The following DPP10 variants were observed in gnomAD, a reference collection of about 807,000 sequenced individuals.
DPP10 encodes inactive dipeptidyl peptidase 10.
A neutral mutation model predicts 120.9 loss-of-function variants in DPP10; 33 were observed. The ratio of observed to expected loss-of-function variants is 0.27; its 90% CI spans 0.21 to 0.37. The LOEUF is 0.37. Among genes scored for constraint, DPP10 ranks in the 10% least tolerant of loss-of-function variants. The pLI is 1.00. For synonymous variants in DPP10, 337 were observed against 326.1 expected, an observed-to-expected ratio of 1.03 and a Z score of -0.36; for missense variants, 816 against 942.8, an observed-to-expected ratio of 0.87 and a Z score of 1.76.
At chr2:114,923,004 T>C (rs1258205541) in intron 1 of DPP10, among the ~76,000 whole-genome samples, 2 of 152,198 alleles carry the variant, frequency 1.3e-5, no homozygotes, top group Admixed American at 6.5e-5. Context: ...AGTATATTTT[T>C]ATGGACTTAA....
At chr2:114,920,538 G>T (rs903168332) in intron 1 of DPP10, among the ~76,000 whole-genome samples, 4 of 152,180 alleles carry the variant, frequency 2.6e-5, no homozygotes, top group Non-Finnish European at 5.9e-5. Context: ...GAACAAGTAG[G>T]AAGCATACTA....
At chr2:115,180,718 A>G (rs2054014519) in intron 1 of DPP10, among the ~76,000 whole-genome samples, 1 of 152,204 alleles carries the variant, frequency 6.6e-6, no homozygotes. Context: ...AGAAATGTAC[A>G]TATGTATGTA....
At chr2:115,598,748 T>C (rs1348079866) in intron 5 of DPP10, among the ~76,000 whole-genome samples, 1 of 151,658 alleles carries the variant, frequency 6.6e-6, no homozygotes, top group Non-Finnish European at 1.5e-5. Context: ...ATGCGGTTTG[T>C]TTATGATGAA....
At chr2:115,766,138 CTACA>C (rs954227708) in intron 12 of DPP10, among the ~76,000 whole-genome samples, 2 of 151,230 alleles carry the variant, frequency 1.3e-5, no homozygotes, top group Admixed American at 1.3e-4. Context: ...TTACAGAGAA[CTACA>C]TACATACATA....
At chr2:115,598,065 A>G (rs1261689199) in intron 5 of DPP10, among the ~76,000 whole-genome samples, 1 of 152,024 alleles carries the variant, frequency 6.6e-6, no homozygotes, top group Non-Finnish European at 1.5e-5. Context: ...ATTTGATATT[A>G]TTATTGCTAC....
chr2:114,992,068 T>C (rs779186702), intron 1 of DPP10, among the ~76,000 whole-genome samples: 8 of 152,232 alleles, frequency 5.3e-5, no homozygotes, highest in Non-Finnish European at 8.8e-5. Context: ...CATTCCTTTT[T>C]ACATAAAGCC....
rs62157985 is a variant in DPP10, at chr2:115,840,488, T to C, written c.2183-262T>C. Among the ~76,000 whole-genome samples, 925 of 151,600 alleles carry C rather than the reference T, an allele frequency of 6.1e-3. 10 individuals carry two copies. The highest frequency in any genetic ancestry group is 9.4e-3 in the Non-Finnish European group (637 of 67,862). On this transcript the variant is annotated intron_variant, in intron 24 of 25. Coordinates refer to ENST00000410059, the MANE Select transcript of DPP10 (RefSeq NM_020868.6). ...TACAGGTGCCCGCCACCACACCGGC[T>C]AATTTTTTATATTTTTTAATGGAGA...
Position 115,844,064 on chromosome 2 carries a change from A to G in DPP10, c.*1719A>G, listed in dbSNP as rs1690410839. 1 of 152,594 alleles carries G rather than the reference A, an allele frequency of 6.6e-6. No homozygotes were observed. The highest frequency in any genetic ancestry group is 2.1e-4 in the South Asian group (1 of 4,832). 9.5% of individuals were successfully genotyped at this position (152,594 alleles called of 1,614,324 possible). On this transcript the variant is annotated 3_prime_UTR_variant, in exon 26 of 26. Transcript: ENST00000410059. Reference sequence around the variant, plus strand: ...TGTCTTCCATGCTCCACTGGGTTCAATTTAAAATAGGAGAGGCTTTCTCTT... The same window carrying G: ...TGTCTTCCATGCTCCACTGGGTTCAGTTTAAAATAGGAGAGGCTTTCTCTT...
At chr2:115,489,134 A>G (rs1270301989) in intron 3 of DPP10, among the ~76,000 whole-genome samples, 1 of 152,170 alleles carries the variant, frequency 6.6e-6, no homozygotes, top group Non-Finnish European at 1.5e-5. Context: ...ACCAGAGGGT[A>G]AATATTTAAG....
rs145636527 is a variant in DPP10, at chr2:115,314,556, C to A, written c.175+5203C>A. 9.2e-5 allele frequency among the ~76,000 whole-genome samples: 14 copies of A among 152,214 alleles called. No homozygotes were observed. In the East Asian group the frequency reaches 9.7e-4, roughly 11 times the overall value. ...AGCATTGATGTGGGAATCATGAGAGCTCTGCTTGATCTCAGTTAAACAAGA... is the reference window on the plus strand; with the variant it reads ...AGCATTGATGTGGGAATCATGAGAGATCTGCTTGATCTCAGTTAAACAAGA... On this transcript the variant is annotated intron_variant, in intron 2 of 25. Transcript: ENST00000410059.
intron 1 of DPP10, among the ~76,000 whole-genome samples, chr2:115,176,338 A>AATATTTAT (rs888601347): frequency 2.0e-5 from 3 of 147,978 alleles, no homozygotes; most frequent in Admixed American, 6.8e-5. Context: ...TTATATTTAT[A>AATATTTAT]ATATTTATAT....
chr2:115,667,059 A>G (rs923438285), intron 5 of DPP10, among the ~76,000 whole-genome samples: 1 of 151,902 alleles, frequency 6.6e-6, no homozygotes, highest in Non-Finnish European at 1.5e-5. Flanking sequence ...AATCAATTAA[A>G]CCTCTTTACC....
chr2:115,547,765 CAA>C (rs566808076), intron 5 of DPP10, among the ~76,000 whole-genome samples: 44 of 71,756 alleles, frequency 6.1e-4, no homozygotes, highest in Admixed American at 7.9e-4. Flanking sequence ...ATCCTATCTC[CAA>C]AAAAAAAAAA....
intron 1 of DPP10, among the ~76,000 whole-genome samples, chr2:115,123,473 G>T (rs2049923909): frequency 2.0e-5 from 3 of 152,164 alleles, no homozygotes; most frequent in Non-Finnish European, 4.4e-5. Flanking sequence ...ATGCTCATTT[G>T]AGGCATTTTT....
intron 5 of DPP10, among the ~76,000 whole-genome samples, chr2:115,602,068 A>G (rs1022698252): frequency 2.6e-5 from 4 of 152,192 alleles, no homozygotes; most frequent in Admixed American, 1.3e-4. Context: ...AATCACCTGT[A>G]TCTTCTCTTT....
intron 1 of DPP10, among the ~76,000 whole-genome samples, chr2:114,477,749 A>G (rs1207044880): frequency 6.6e-6 from 1 of 151,274 alleles, no homozygotes; most frequent in Non-Finnish European, 1.5e-5. Context: ...ATATATGTAC[A>G]TAAACATGTA....
chr2:114,511,744 C>T (rs75078743), intron 1 of DPP10, among the ~76,000 whole-genome samples: 1 of 152,146 alleles, frequency 6.6e-6, no homozygotes, highest in Non-Finnish European at 1.5e-5. Flanking sequence ...CACGTTGGCT[C>T]CCAAACCTTA....
At position 114,750,987 on chromosome 2, in the gene DPP10, CG is replaced by C. The variant is rs572890155; in HGVS notation, c.60+308152del. Among the ~76,000 whole-genome samples, 138 of 152,262 alleles carry C rather than the reference CG, an allele frequency of 9.1e-4. 2 individuals are homozygous for C. Among genetic ancestry groups the C allele is most frequent in the African/African-American group, 3.2e-3 (131 of 41,540 alleles). ...GAAGTTGAATGGAGTGATTGCTTTG[CG>C]GGTATACAGAGCTGCATCTAAGTCA... is the stretch of plus-strand genomic sequence containing the variant. On this transcript the variant is annotated intron_variant, in intron 1 of 25. Coordinates refer to ENST00000410059, the MANE Select transcript of DPP10 (RefSeq NM_020868.6).
intron 1 of DPP10, among the ~76,000 whole-genome samples, chr2:114,604,186 T>C (rs754857330): frequency 7.2e-5 from 11 of 151,950 alleles, no homozygotes; most frequent in Non-Finnish European, 1.6e-4. Context: ...CATCCTGAAG[T>C]GTTCAGCATA....
Sources: allele counts gnomAD v4.1 joint callset (sites outside exome capture counted in the v4.1 genomes callset), GRCh38; gene constraint gnomAD v4.1.1; transcripts MANE v1.5; gene names NCBI Gene and HGNC (gene_info 2026-07-23, HGNC 2026-07-21).